The following CDC20B variants were observed in gnomAD, a reference collection of about 807,000 sequenced individuals.
CDC20B encodes cell division cycle protein 20 homolog B.
A neutral mutation model predicts 64.1 loss-of-function variants in CDC20B; 58 were observed. The ratio of observed to expected loss-of-function variants is 0.90; its 90% CI spans 0.73 to 1.13. The LOEUF is 1.13. CDC20B is among the 50% of genes most tolerant of loss of function. The pLI is 0.00. For synonymous variants in CDC20B, 243 were observed against 230.6 expected (o/e 1.05, Z -0.49); for missense variants, 597 against 633.0 (o/e 0.94, Z 0.61).
chr5:55,150,210 A>T (rs1489460370), intron 2 of CDC20B, among the ~76,000 whole-genome samples: 2 of 152,222 alleles, frequency 1.3e-5, no homozygotes, highest in Admixed American at 1.3e-4. Flanking sequence ...AAATCTTTTT[A>T]AAAATGGTAA....
intron 11 of CDC20B, 43 bp downstream of exon 11, chr5:55,119,758 C>T: frequency 8.2e-7 from 1 of 1,216,292 alleles, no homozygotes; most frequent in Middle Eastern, 1.9e-4. Context: ...CAACAGCTCA[C>T]TTTGCTATAG....
Position 55,133,474 on chromosome 5 carries a change from A to T in CDC20B, c.635T>A (p.Ile212Lys), listed in dbSNP as rs550120464. Residue 212 changes from isoleucine (I) to lysine (K), a missense_variant, in exon 6 of 12, where the codon ATA (isoleucine) becomes AAA (lysine). Coordinates refer to ENST00000381375, the MANE Select transcript of CDC20B (RefSeq NM_001170402.1). ...CTCTGGTTGGAGTATGGAATCGTTT[A>T]TATCACCAGAACTTTTAAGATGGAA... ...ESFHLKSSGD[I>K]NDSILQPEVK... is the part of the protein sequence containing the mutation. 1.8e-4 allele frequency: 278 copies of T among 1,584,660 alleles called. No homozygotes were observed. The South Asian group carries it at 3.0e-3, about 17-fold the overall frequency.
At chr5:55,137,234 G>A in intron 5 of CDC20B, 1 of 229,050 alleles carries the variant, frequency 4.4e-6, no homozygotes, top group Middle Eastern at 1.9e-3. Context: ...GCATGGAACA[G>A]GACCTTCTAG....
intron 3 of CDC20B, among the ~76,000 whole-genome samples, chr5:55,145,752 T>C (rs185558189): frequency 1.3e-5 from 2 of 150,650 alleles, no homozygotes; most frequent in East Asian, 4.0e-4. Context: ...CCTCCTCCTC[T>C]GTCTCCTCCT....
At chr5:55,170,481 G>A in intron 2 of CDC20B, 2 of 524,460 alleles carry the variant, frequency 3.8e-6, no homozygotes, top group Admixed American at 2.0e-5. Flanking sequence ...ATAGCAGAAA[G>A]TACACATAAA....
intron 2 of CDC20B, chr5:55,164,263 G>A (rs757448074): frequency 1.4e-6 from 2 of 1,398,648 alleles, no homozygotes; most frequent in Admixed American, 4.8e-5. Flanking sequence ...GTCTCCATGA[G>A]GGTTTGGTCT....
chr5:55,150,565 T>TG (rs1327692911), intron 2 of CDC20B, among the ~76,000 whole-genome samples: 1 of 152,150 alleles, frequency 6.6e-6, no homozygotes, highest in Non-Finnish European at 1.5e-5. Flanking sequence ...AAAGTGTTGT[T>TG]GGGGGTCAGT....
intron 9 of CDC20B, 137 bp downstream of exon 9, chr5:55,124,666 G>C: frequency 1.3e-6 from 1 of 744,706 alleles, no homozygotes; most frequent in South Asian, 2.0e-5. Flanking sequence ...TTTCAGGAGA[G>C]TGATGACAAA....
chr5:55,118,131 TAAAAAG>T (rs1054452557), intron 11 of CDC20B, among the ~76,000 whole-genome samples: 1 of 151,476 alleles, frequency 6.6e-6, no homozygotes, highest in African/African-American at 2.4e-5. Context: ...AAAAAATAAA[TAAAAAG>T]AAAAAGAAAA....
At chr5:55,140,455 G>T in intron 4 of CDC20B, 48 bp from the exon 5 acceptor site, 1 of 1,262,014 alleles carries the variant, frequency 7.9e-7, no homozygotes, top group Non-Finnish European at 1.1e-6. Flanking sequence ...AAACATACAT[G>T]TACAACTAAA....
intron 2 of CDC20B, among the ~76,000 whole-genome samples, chr5:55,156,099 G>A (rs879560231): frequency 2.6e-5 from 4 of 152,304 alleles, no homozygotes; most frequent in East Asian, 1.9e-4. Flanking sequence ...GGTGAATGAG[G>A]AGCAAAGGCA....
rs775801096 is a variant in CDC20B, at chr5:55,124,990, C to G, written c.1028G>C (p.Arg343Pro). The G allele has an allele frequency of 9.9e-6, 16 of 1,613,806 alleles. No homozygotes were observed. The South Asian group carries it at 1.8e-4, about 18-fold the overall frequency. ...RLGRVYHHDV[R>P]VAQHHVGTLR... ...TGTTCCAACATGATGCTGGGCTACCCGAACATCGTGATGATAAACACGCCC... is the reference window on the plus strand; with the variant it reads ...TGTTCCAACATGATGCTGGGCTACCGGAACATCGTGATGATAAACACGCCC... Residue 343 changes from arginine to proline, a missense_variant, in exon 9 of 12, where the codon CGG (arginine) becomes CCG (proline). By Grantham distance (103) the Arg-to-Pro change is moderately radical. Coordinates refer to ENST00000381375, the MANE Select transcript of CDC20B (RefSeq NM_001170402.1).
intron 11 of CDC20B, among the ~76,000 whole-genome samples, chr5:55,116,581 TG>T (rs1312897754): frequency 6.6e-6 from 1 of 152,232 alleles, no homozygotes; most frequent in Non-Finnish European, 1.5e-5. Context: ...CTCAAATAGC[TG>T]GGACTATAGA....
rs1399664201 is a variant in CDC20B, at chr5:55,128,534, G to T, written c.781C>A (p.His261Asn). ...SAVYIWNGEN[H>N]NGIENIDLSL... ...AAGTCTATGTTTTCAATCCCATTGTGGTTCTCCCCATTCCAGATGTATACA... is the reference window on the plus strand; with the variant it reads ...AAGTCTATGTTTTCAATCCCATTGTTGTTCTCCCCATTCCAGATGTATACA... The change falls in exon 7 of 12, where the codon CAC becomes AAC. Residue 261 changes from histidine to asparagine, a missense_variant. Around this residue, in one of 3 missense-constraint regions of CDC20B, gnomAD observed 353 missense variants for 397.0 expected, o/e 0.89. Transcript: ENST00000381375. 1 of 1,611,158 alleles carries T rather than the reference G, an allele frequency of 6.2e-7. No individual in the cohort carries two copies. The highest frequency in any genetic ancestry group is 8.5e-7 in the Non-Finnish European group (1 of 1,179,398).
chr5:55,154,452 C>T (rs62360412), intron 2 of CDC20B, among the ~76,000 whole-genome samples: 4 of 151,984 alleles, frequency 2.6e-5, no homozygotes, highest in African/African-American at 7.2e-5. Context: ...GGGAGGTCGA[C>T]GCTGCAGTGA....
Position 55,127,142 on chromosome 5 carries a change from G to C in CDC20B, c.989+115C>G, listed in dbSNP as rs10057041. 22 of 857,690 alleles carry C rather than the reference G, an allele frequency of 2.6e-5. No homozygotes were observed. In the African/African-American group the frequency reaches 3.5e-4, roughly 14 times the overall value. The allele number at this position is 857,690 out of a possible 1,614,324, so 53.1% of individuals were successfully genotyped here. On this transcript the variant is annotated intron_variant, in intron 8 of 11. Coordinates refer to ENST00000381375, the MANE Select transcript of CDC20B (RefSeq NM_001170402.1). ...ATCATACCTGATATTAAGTCCAATG[G>C]CCTATTTTGTTTTATTTTTGATTGG...
intron 2 of CDC20B, chr5:55,170,698 C>A (rs755056119): frequency 1.9e-6 from 1 of 534,596 alleles, no homozygotes; most frequent in East Asian, 5.5e-5. Flanking sequence ...GCTGACTTGA[C>A]CCAAGCAGCC....
At chr5:55,131,981 A>C (rs1000899351) in intron 6 of CDC20B, among the ~76,000 whole-genome samples, 28 of 152,016 alleles carry the variant, frequency 1.8e-4, no homozygotes, top group African/African-American at 6.3e-4. Context: ...GAGGCACGAG[A>C]ATTGCTTAAA....
chr5:55,118,677 A>C (rs1476280555), intron 11 of CDC20B, among the ~76,000 whole-genome samples: 1 of 152,192 alleles, frequency 6.6e-6, no homozygotes, highest in East Asian at 1.9e-4. Context: ...GGATTGACTC[A>C]TGCTCTTCCT....
Sources: gnomAD v4.1 joint callset for allele counts (sites outside exome capture counted in the v4.1 genomes callset) on GRCh38, gnomAD v4.1.1 for gene constraint, gnomAD v4.1.1 regional missense constraint, MANE v1.5 for transcripts, NCBI Gene and HGNC (gene_info 2026-07-23, HGNC 2026-07-21) for gene names.